FARS2: variants seen among roughly 807,000 people sequenced by gnomAD.
FARS2 encodes the protein phenylalanine--tRNA ligase, mitochondrial.
A neutral mutation model predicts 46.4 loss-of-function variants in FARS2; 40 were observed. That is an observed-to-expected ratio of 0.86 (90% CI 0.67 to 1.12). The LOEUF is 1.12. Ranked by LOEUF, FARS2 falls within the 50% of genes most tolerant of loss-of-function variation. The pLI is 0.00. For synonymous variants in FARS2, 234 were observed against 214.9 expected (o/e 1.09, Z -0.78); for missense variants, 513 against 567.9 (o/e 0.90, Z 0.98).
intron 2 of FARS2, among the ~76,000 whole-genome samples, chr6:5,383,134 A>G (rs1759895398): frequency 6.6e-6 from 1 of 152,240 alleles, no homozygotes. Context: ...ATTAACCATC[A>G]TACCATTCTT....
intron 4 of FARS2, among the ~76,000 whole-genome samples, chr6:5,539,880 AT>A (rs763038998): frequency 5.3e-5 from 8 of 152,030 alleles, no homozygotes; most frequent in Non-Finnish European, 1.2e-4. Context: ...TGTTCTGCAG[AT>A]GTGATTTCCA....
intron 6 of FARS2, among the ~76,000 whole-genome samples, chr6:5,631,449 T>C (rs369128100): frequency 1.3e-5 from 2 of 152,220 alleles, no homozygotes; most frequent in African/African-American, 4.8e-5. Flanking sequence ...AAAATCCTAA[T>C]AGTTAATAGA....
At chr6:5,341,955 C>T (rs1372294492) in intron 1 of FARS2, among the ~76,000 whole-genome samples, 1 of 152,160 alleles carries the variant, frequency 6.6e-6, no homozygotes, top group African/African-American at 2.4e-5. Flanking sequence ...GTTCAAATTA[C>T]AGTGGAAGTA....
intron 3 of FARS2, among the ~76,000 whole-genome samples, chr6:5,425,250 C>T (rs1762782916): frequency 6.6e-6 from 1 of 152,088 alleles, no homozygotes; most frequent in Admixed American, 6.6e-5. Flanking sequence ...TAGTTTGGGC[C>T]ACTGATCTTT....
intron 4 of FARS2, among the ~76,000 whole-genome samples, chr6:5,507,457 T>A (rs1234600130): frequency 6.6e-6 from 1 of 152,198 alleles, no homozygotes; most frequent in Admixed American, 6.5e-5. Context: ...AGCATGTTTC[T>A]TTTCATCTCC....
At chr6:5,462,811 A>G (rs557355130) in intron 4 of FARS2, among the ~76,000 whole-genome samples, 2 of 152,372 alleles carry the variant, frequency 1.3e-5, no homozygotes, top group African/African-American at 4.8e-5. Flanking sequence ...GTATTAGAAT[A>G]CCAATTTTGT....
chr6:5,525,701 TAAG>T (rs1769421112), intron 4 of FARS2, among the ~76,000 whole-genome samples: 1 of 152,258 alleles, frequency 6.6e-6, no homozygotes, highest in African/African-American at 2.4e-5. Flanking sequence ...TACTTGCCCT[TAAG>T]ATACTTGGGA....
chr6:5,306,629 C>T (rs1270098779), intron 1 of FARS2, among the ~76,000 whole-genome samples: 1 of 152,144 alleles, frequency 6.6e-6, no homozygotes, highest in Non-Finnish European at 1.5e-5. Context: ...AGTGTTTAAG[C>T]CCCTTCACAT....
At chr6:5,552,305 G>A (rs1411554167) in intron 5 of FARS2, among the ~76,000 whole-genome samples, 1 of 152,204 alleles carries the variant, frequency 6.6e-6, no homozygotes, top group African/African-American at 2.4e-5. Context: ...AATCTCAGAG[G>A]TGGGGCGAGA....
At chr6:5,283,394 A>C (rs1157102665) in intron 1 of FARS2, among the ~76,000 whole-genome samples, 2 of 150,290 alleles carry the variant, frequency 1.3e-5, no homozygotes, top group East Asian at 1.9e-4. Flanking sequence ...AAAAAAAAAA[A>C]ACAAATTAGC....
chr6:5,371,001 A>G (rs1759027158), intron 2 of FARS2, among the ~76,000 whole-genome samples: 2 of 152,188 alleles, frequency 1.3e-5, no homozygotes, highest in Admixed American at 1.3e-4. Context: ...TGAGGTCCCG[A>G]AAGGTTTAGT....
At chr6:5,275,005 G>A (rs1396263920) in intron 1 of FARS2, among the ~76,000 whole-genome samples, 1 of 152,144 alleles carries the variant, frequency 6.6e-6, no homozygotes, top group Non-Finnish European at 1.5e-5. Flanking sequence ...GTGTGAGCCT[G>A]GCCCTACATA....
At position 5,279,535 on chromosome 6, in the gene FARS2, T is replaced by C. The variant is rs186317072; in HGVS notation, c.-22+17875T>C. Among the ~76,000 whole-genome samples, 281 of 149,590 alleles carry C rather than the reference T, an allele frequency of 1.9e-3. 1 individual carries two copies. Among genetic ancestry groups the C allele is most frequent in the Non-Finnish European group, 3.0e-3 (201 of 67,510 alleles). Reference sequence around the variant, plus strand: ...GCTAGTTTCTCTCTATAAATAAATATAGAAAAAATAAAAAATATAAATGTG... The same window carrying C: ...GCTAGTTTCTCTCTATAAATAAATACAGAAAAAATAAAAAATATAAATGTG... On this transcript the variant is annotated intron_variant, in intron 1 of 6. Transcript: ENST00000274680.
At chr6:5,378,073 A>T (rs1448283042) in intron 2 of FARS2, among the ~76,000 whole-genome samples, 1 of 152,230 alleles carries the variant, frequency 6.6e-6, no homozygotes, top group Non-Finnish European at 1.5e-5. Flanking sequence ...ACAGAGAAGT[A>T]AGCTTTTTGT....
chr6:5,600,584 G>A (rs929504175), intron 5 of FARS2, among the ~76,000 whole-genome samples: 2 of 151,694 alleles, frequency 1.3e-5, no homozygotes, highest in African/African-American at 4.9e-5. Context: ...AAAAGTAAGG[G>A]CCATCAAACA....
At chr6:5,631,398 T>G (rs1414784890) in intron 6 of FARS2, among the ~76,000 whole-genome samples, 1 of 152,240 alleles carries the variant, frequency 6.6e-6, no homozygotes. Context: ...ATTCTTAGCA[T>G]AGTTTAAGTA....
At chr6:5,508,946 T>C (rs1768267403) in intron 4 of FARS2, among the ~76,000 whole-genome samples, 1 of 152,316 alleles carries the variant, frequency 6.6e-6, no homozygotes, top group East Asian at 1.9e-4. Flanking sequence ...ACATTTTCTG[T>C]AAAGGACCAA....
intron 6 of FARS2, among the ~76,000 whole-genome samples, chr6:5,732,682 A>G (rs1202207211): frequency 6.6e-6 from 1 of 152,182 alleles, no homozygotes; most frequent in Non-Finnish European, 1.5e-5. Flanking sequence ...GGACACATCA[A>G]GCTTTCCTGC....
chr6:5,341,219 A>T (rs1288460261), intron 1 of FARS2, among the ~76,000 whole-genome samples: 2 of 4,986 alleles, frequency 4.0e-4, no homozygotes, highest in African/African-American at 7.8e-4. Context: ...ATATATATAT[A>T]TATATATATA....
Sources: gnomAD v4.1 joint callset for allele counts (sites outside exome capture counted in the v4.1 genomes callset) on GRCh38, gnomAD v4.1.1 for gene constraint, MANE v1.5 for transcripts, NCBI Gene and HGNC (gene_info 2026-07-23, HGNC 2026-07-21) for gene names.